The following SLC16A12 variants were observed in gnomAD, a reference collection of about 807,000 sequenced individuals.
The protein encoded by SLC16A12 is monocarboxylate transporter 12.
A neutral mutation model predicts 42.4 loss-of-function variants in SLC16A12; 17 were observed. The observed-to-expected ratio is 0.40, with a 90% CI of 0.27 to 0.60. The LOEUF is 0.60. Ranked by LOEUF, SLC16A12 falls within the 20% of genes least tolerant of loss-of-function variation. The probability of loss-of-function intolerance (pLI) is 0.42; values close to 1 mark genes in which losing one functional copy is unlikely to be tolerated. For synonymous variants in SLC16A12, 224 were observed against 229.4 expected (o/e 0.98, Z 0.21); for missense variants, 544 against 623.0 (o/e 0.87, Z 1.35).
chr10:89,476,734 A>T (rs1842586853), intron 2 of SLC16A12, among the ~76,000 whole-genome samples: 1 of 152,236 alleles, frequency 6.6e-6, no homozygotes, highest in African/African-American at 2.4e-5. Flanking sequence ...ACCCTAACTG[A>T]CTACATCTCT....
chr10:89,555,624 T>C (rs1193672551), intron 2 of SLC16A12, among the ~76,000 whole-genome samples: 2 of 145,896 alleles, frequency 1.4e-5, no homozygotes, highest in East Asian at 4.0e-4. Flanking sequence ...TACAGATATG[T>C]ATATATACAC....
intron 2 of SLC16A12, among the ~76,000 whole-genome samples, chr10:89,487,954 T>TGG (rs1842784746): frequency 8.4e-6 from 1 of 118,880 alleles, no homozygotes; most frequent in African/African-American, 3.3e-5. Flanking sequence ...AAAGAAAATG[T>TGG]GGTGTGTGTG....
chr10:89,440,962 T>A (rs1388495353), intron 5 of SLC16A12, 146 bp downstream of exon 5: 5 of 968,360 alleles, frequency 5.2e-6, no homozygotes, highest in Non-Finnish European at 8.0e-6. Context: ...TCCAGCTCTG[T>A]TTAACTGCTA....
intron 2 of SLC16A12, among the ~76,000 whole-genome samples, chr10:89,504,987 A>T (rs1843037873): frequency 6.6e-6 from 1 of 152,190 alleles, no homozygotes; most frequent in Admixed American, 6.5e-5. Flanking sequence ...CTGAGCAGAC[A>T]GAGCAAATGG....
intron 2 of SLC16A12, among the ~76,000 whole-genome samples, chr10:89,546,146 CA>C: frequency 6.6e-6 from 1 of 151,780 alleles, no homozygotes; most frequent in Non-Finnish European, 1.5e-5. Context: ...GACTTCATGA[CA>C]AAAATGCCAA....
At chr10:89,500,484 G>T (rs1369752589) in intron 2 of SLC16A12, among the ~76,000 whole-genome samples, 1 of 152,052 alleles carries the variant, frequency 6.6e-6, no homozygotes, top group Non-Finnish European at 1.5e-5. Flanking sequence ...ATGTAGGGAT[G>T]GTTTAACATA....
At chr10:89,501,192 A>T (rs1842987392) in intron 2 of SLC16A12, among the ~76,000 whole-genome samples, 1 of 152,224 alleles carries the variant, frequency 6.6e-6, no homozygotes, top group African/African-American at 2.4e-5. Flanking sequence ...ATGCTCATGG[A>T]TGGGTAGAAT....
chr10:89,489,388 G>A (rs2133803841), intron 2 of SLC16A12, among the ~76,000 whole-genome samples: 1 of 152,102 alleles, frequency 6.6e-6, no homozygotes. Flanking sequence ...CACCCAGGCT[G>A]GAGTGCAATG....
At chr10:89,529,617 G>A (rs1383679107) in intron 2 of SLC16A12, among the ~76,000 whole-genome samples, 2 of 148,600 alleles carry the variant, frequency 1.3e-5, no homozygotes, top group Non-Finnish European at 3.0e-5. Context: ...GCACAATCTC[G>A]GCTCACTGCA....
chr10:89,481,264 T>C (rs7907127), intron 2 of SLC16A12, among the ~76,000 whole-genome samples: 3,824 of 152,312 alleles, frequency 0.025, 111 homozygotes, highest in African/African-American at 0.053. Flanking sequence ...CTGTATTTTC[T>C]GAATTTCCTG....
intron 3 of SLC16A12, among the ~76,000 whole-genome samples, chr10:89,458,189 G>T (rs1450266666): frequency 2.6e-5 from 4 of 152,146 alleles, no homozygotes; most frequent in African/African-American, 4.8e-5. Context: ...CTGTTATGTA[G>T]AATCTCCTCC....
At chr10:89,491,237 G>T (rs1842841689) in intron 2 of SLC16A12, among the ~76,000 whole-genome samples, 1 of 152,188 alleles carries the variant, frequency 6.6e-6, no homozygotes, top group Non-Finnish European at 1.5e-5. Flanking sequence ...TGGCAGAGGG[G>T]ATGGTTTTCT....
At chr10:89,541,706 T>C (rs1843716817) in intron 2 of SLC16A12, among the ~76,000 whole-genome samples, 1 of 152,224 alleles carries the variant, frequency 6.6e-6, no homozygotes, top group Admixed American at 6.5e-5. Context: ...TTCTTTGTTG[T>C]GGGGCTCCCC....
intron 2 of SLC16A12, among the ~76,000 whole-genome samples, chr10:89,495,223 G>A (rs1205664381): frequency 6.6e-6 from 1 of 152,056 alleles, no homozygotes; most frequent in African/African-American, 2.4e-5. Context: ...TAGTGGTGGT[G>A]TGCGCCTGTA....
chr10:89,505,927 A>G (rs1390693120), intron 2 of SLC16A12, among the ~76,000 whole-genome samples: 2 of 152,200 alleles, frequency 1.3e-5, no homozygotes, highest in Non-Finnish European at 2.9e-5. Context: ...CTGAGGCTTC[A>G]GTAGGCGGTA....
rs545151527 is a variant in SLC16A12, at chr10:89,524,175, A to T, written c.-47+10326T>A. 2.0e-5 allele frequency among the ~76,000 whole-genome samples: 3 copies of T among 152,332 alleles called. No individual in the cohort carries two copies. The South Asian group carries it at 6.2e-4, about 32-fold the overall frequency. On this transcript the variant is annotated intron_variant, in intron 2 of 7. Transcript: ENST00000371790. ...ATAAATAAAAGTCTTACCATAAGGC[A>T]TTAATCTTATTTCCCATCTGCACCA...
At chr10:89,494,555 A>T (rs1022232225) in intron 2 of SLC16A12, among the ~76,000 whole-genome samples, 1 of 152,240 alleles carries the variant, frequency 6.6e-6, no homozygotes, top group African/African-American at 2.4e-5. Flanking sequence ...CTGGTGGTAA[A>T]GGAATCAAAG....
chr10:89,543,660 C>G (rs72816764), intron 2 of SLC16A12, among the ~76,000 whole-genome samples: 9,584 of 151,886 alleles, frequency 0.063, 508 homozygotes, highest in East Asian at 0.29. Context: ...GAAAACCTGT[C>G]TCTACCAAAA....
At chr10:89,458,754 A>G (rs1400380720) in intron 3 of SLC16A12, among the ~76,000 whole-genome samples, 1 of 152,198 alleles carries the variant, frequency 6.6e-6, no homozygotes, top group African/African-American at 2.4e-5. Context: ...ACACTTTTGA[A>G]CAGTTTTTAA....
Sources: gnomAD v4.1 joint callset for allele counts (sites outside exome capture counted in the v4.1 genomes callset) on GRCh38, gnomAD v4.1.1 for gene constraint, MANE v1.5 for transcripts, NCBI Gene and HGNC (gene_info 2026-07-23, HGNC 2026-07-21) for gene names.